The following ANO2 variants were observed in gnomAD, a reference collection of about 807,000 sequenced individuals.
ANO2 encodes the protein anoctamin-2.
In ANO2, 101 loss-of-function variants were observed where a neutral mutation model predicts 124.2. The observed-to-expected ratio is 0.81, with a 90% CI of 0.69 to 0.96. The LOEUF is 0.96. Among genes scored for constraint, ANO2 ranks in the 40% least tolerant of loss-of-function variants. The pLI is 0.00. For synonymous variants in ANO2, 486 were observed against 482.5 expected (o/e 1.01, Z -0.09); for missense variants, 1,293 against 1,274.5 (o/e 1.01, Z -0.22).
chr12:5,685,609 T>C (rs1355753865), intron 14 of ANO2, among the ~76,000 whole-genome samples: 1 of 152,022 alleles, frequency 6.6e-6, no homozygotes, highest in Non-Finnish European at 1.5e-5. Context: ...CATGGCGAAA[T>C]GCTGCCTCTA....
intron 14 of ANO2, among the ~76,000 whole-genome samples, chr12:5,659,668 A>T (rs1361815428): frequency 6.6e-6 from 1 of 152,214 alleles, no homozygotes; most frequent in Non-Finnish European, 1.5e-5. Flanking sequence ...CAGACACAGA[A>T]AACACTCTGG....
chr12:5,807,285 A>C, intron 8 of ANO2, 28 bp downstream of exon 8: 2 of 1,544,512 alleles, frequency 1.3e-6, no homozygotes, highest in Non-Finnish European at 1.7e-6. Context: ...AAGACTACAG[A>C]GAGCACGCTG....
At chr12:5,796,513 G>T (rs1031874502) in intron 10 of ANO2, among the ~76,000 whole-genome samples, 3 of 150,318 alleles carry the variant, frequency 2.0e-5, no homozygotes, top group Admixed American at 6.6e-5. Context: ...ACTCTCACAC[G>T]AACACATTCT....
At chr12:5,620,388 C>T (rs1344250323) in intron 16 of ANO2, among the ~76,000 whole-genome samples, 1 of 152,178 alleles carries the variant, frequency 6.6e-6, no homozygotes, top group Non-Finnish European at 1.5e-5. Context: ...AGTGGGAAAG[C>T]TAAGCGATCC....
In ANO2 at chr12:5,862,912, T is replaced by A. The variant is rs1955316058; in HGVS notation, c.535-8771A>T. Among the ~76,000 whole-genome samples the A allele has an allele frequency of 2.0e-5, 3 of 152,132 alleles. No homozygotes were observed. In the South Asian group the frequency reaches 6.2e-4, roughly 32 times the overall value. ...TTCAAGCAATCCTCCAGCCTCAGCC[T>A]CCTGAGTAGCTGGGATTACAGGCAC... is the stretch of plus-strand genomic sequence containing the variant. On this transcript the variant is annotated intron_variant, in intron 3 of 24. Coordinates refer to ENST00000682330, the MANE Select transcript of ANO2 (RefSeq NM_001364791.2). The surrounding 1 kb of genome is among the most constrained non-coding windows in gnomAD (Gnocchi z 4.0).
chr12:5,576,552 C>T (rs1385445366), intron 22 of ANO2, among the ~76,000 whole-genome samples: 1 of 152,148 alleles, frequency 6.6e-6, no homozygotes, highest in African/African-American at 2.4e-5. Context: ...ATTCTTGTAT[C>T]CATTTTACTT....
chr12:5,567,904 G>A (rs1941867819), intron 23 of ANO2, among the ~76,000 whole-genome samples: 1 of 152,200 alleles, frequency 6.6e-6, no homozygotes, highest in Admixed American at 6.5e-5. Context: ...GGAACTGATG[G>A]TAAGCCATGC....
At chr12:5,837,732 T>C (rs1954375379) in intron 4 of ANO2, among the ~76,000 whole-genome samples, 2 of 151,562 alleles carry the variant, frequency 1.3e-5, no homozygotes, top group African/African-American at 4.8e-5. Flanking sequence ...GGGAAATTTA[T>C]AGCACTAAAT....
rs143591794 is a variant in ANO2, at chr12:5,604,047, C to G, written c.2088-4418G>C. Among the ~76,000 whole-genome samples, 73 of 151,196 alleles carry G rather than the reference C, an allele frequency of 4.8e-4. 1 individual carries two copies. In the East Asian group the frequency reaches 0.014, roughly 29 times the overall value. ...TTGTACACCATATTATGCAGTGGTT[C>G]AGGCGAGAGATTATGGTAGCAGAGT... On this transcript the variant is annotated intron_variant, in intron 19 of 24. Coordinates refer to ENST00000682330, the MANE Select transcript of ANO2 (RefSeq NM_001364791.2).
At chr12:5,846,169 A>C (rs1400738170) in intron 4 of ANO2, among the ~76,000 whole-genome samples, 2 of 152,238 alleles carry the variant, frequency 1.3e-5, no homozygotes, top group Non-Finnish European at 2.9e-5. Flanking sequence ...TGGATATAGA[A>C]GTATAAATAG....
At chr12:5,877,075 G>A (rs765954265) in intron 3 of ANO2, among the ~76,000 whole-genome samples, 10 of 152,194 alleles carry the variant, frequency 6.6e-5, no homozygotes, top group African/African-American at 1.9e-4. Context: ...CCCTTACCCT[G>A]AAAAATTCAT....
intron 10 of ANO2, among the ~76,000 whole-genome samples, chr12:5,756,742 A>T (rs1591577387): frequency 1.7e-5 from 2 of 117,186 alleles, no homozygotes; most frequent in African/African-American, 3.7e-5. Context: ...CGCCACAGAC[A>T]GAGATTCTGT....
intron 1 of ANO2, among the ~76,000 whole-genome samples, chr12:5,936,115 TATTTCTATATTCCA>T (rs1190232809): frequency 6.6e-6 from 1 of 152,228 alleles, no homozygotes; most frequent in African/African-American, 2.4e-5. Flanking sequence ...TTATAAGAGT[TATTTCTATATTCCA>T]GATATAAGTC....
intron 20 of ANO2, among the ~76,000 whole-genome samples, chr12:5,596,813 A>G (rs1465828486): frequency 6.6e-6 from 1 of 152,208 alleles, no homozygotes; most frequent in Non-Finnish European, 1.5e-5. Context: ...CTTAATACAC[A>G]GCTTTTGTAT....
At chr12:5,857,772 TGATAGATAGATAGATAGATAGATA>T (rs59071869) in intron 3 of ANO2, among the ~76,000 whole-genome samples, 3 of 148,410 alleles carry the variant, frequency 2.0e-5, no homozygotes, top group Admixed American at 1.4e-4. Context: ...AAAAGAAATG[TGATAGATAGATAGATAGATAGATA>T]GATAGATAGA....
intron 3 of ANO2, among the ~76,000 whole-genome samples, chr12:5,891,399 T>C (rs1939387072): frequency 6.6e-6 from 1 of 152,148 alleles, no homozygotes; most frequent in South Asian, 2.1e-4. Context: ...GTGTGCGTCC[T>C]TTCACCACTT....
At chr12:5,931,957 A>G (rs1942415145) in intron 1 of ANO2, among the ~76,000 whole-genome samples, 3 of 124,766 alleles carry the variant, frequency 2.4e-5, no homozygotes, top group Admixed American at 7.7e-5. Context: ...GAGTGAGGAA[A>G]GAAGATAGAC....
At chr12:5,875,764 T>C (rs533814443) in intron 3 of ANO2, among the ~76,000 whole-genome samples, 12 of 151,588 alleles carry the variant, frequency 7.9e-5, no homozygotes, top group South Asian at 4.2e-4. Flanking sequence ...TCAAAATCAC[T>C]GCAGTGAGCA....
chr12:5,842,023 C>T (rs1249418886), intron 4 of ANO2, among the ~76,000 whole-genome samples: 1 of 152,114 alleles, frequency 6.6e-6, no homozygotes, highest in East Asian at 1.9e-4. Flanking sequence ...GTGCATGCCA[C>T]CATACCCAGC....
Sources: allele counts gnomAD v4.1 joint callset (sites outside exome capture counted in the v4.1 genomes callset), GRCh38; gene constraint gnomAD v4.1.1; non-coding constraint Gnocchi (gnomAD v3.1); transcripts MANE v1.5; gene names NCBI Gene and HGNC (gene_info 2026-07-23, HGNC 2026-07-21).